The following CENPI variants were observed in gnomAD, a reference collection of about 807,000 sequenced individuals.
The protein encoded by CENPI is centromere protein I.
A neutral mutation model predicts 60.4 loss-of-function variants in CENPI; 4 were observed. The observed-to-expected ratio is 0.07, with a 90% CI of 0.03 to 0.15. CENPI has a LOEUF of 0.15. Among genes scored for constraint, CENPI ranks in the 10% least tolerant of loss-of-function variants. The probability of loss-of-function intolerance (pLI) is 1.00; values close to 1 mark genes in which losing one functional copy is unlikely to be tolerated. For synonymous variants in CENPI, 157 were observed against 189.4 expected (o/e 0.83, Z 1.40); for missense variants, 444 against 534.5 (o/e 0.83, Z 1.67).
intron 20 of CENPI, among the ~76,000 whole-genome samples, chrX:101,152,118 G>A (rs757063173): frequency 1.8e-5 from 2 of 110,157 alleles, no homozygotes; most frequent in South Asian, 7.9e-4. Flanking sequence ...AGGCTGGAGT[G>A]CAATGGCGCG....
At position 101,146,281 on chromosome X, in the gene CENPI, C is replaced by T. The variant is rs1490847414; in HGVS notation, c.1826+4C>T. 4 of 1,194,655 alleles carry T rather than the reference C, an allele frequency of 3.3e-6. No individual in the cohort carries two copies. The Admixed American group carries it at 9.1e-5, about 27-fold the overall frequency. Reference sequence around the variant, plus strand: ...AGCTGTGTTTTATTATGCACAGGTACAAAGCCTTTTTACCATTTTATGAAA... The same window carrying T: ...AGCTGTGTTTTATTATGCACAGGTATAAAGCCTTTTTACCATTTTATGAAA... On this transcript the variant is annotated splice_donor_region_variant and intron_variant, in intron 18 of 21. Transcript: ENST00000682095.
intron 8 of CENPI, among the ~76,000 whole-genome samples, chrX:101,124,312 G>C (rs2089712011): frequency 9.0e-6 from 1 of 110,798 alleles, no homozygotes; most frequent in African/African-American, 3.3e-5. Context: ...AAAGTCTGAA[G>C]GCAGTCTGTT....
intron 20 of CENPI, among the ~76,000 whole-genome samples, chrX:101,149,779 T>C (rs1034609894): frequency 9.0e-6 from 1 of 111,063 alleles, no homozygotes; most frequent in Non-Finnish European, 1.9e-5. Context: ...AGTGCTGAGA[T>C]TATAGGCATG....
chrX:101,131,501 A>G (rs1477404739), intron 13 of CENPI, among the ~76,000 whole-genome samples: 1 of 111,958 alleles, frequency 8.9e-6, no homozygotes, highest in African/African-American at 3.2e-5. Flanking sequence ...CTAATGGGAC[A>G]TCAAAGCGGT....
chrX:101,116,594 G>A (rs1358197282), intron 6 of CENPI, among the ~76,000 whole-genome samples: 6 of 111,807 alleles, frequency 5.4e-5, no homozygotes, highest in Non-Finnish European at 1.1e-4. Flanking sequence ...TTGGACATTT[G>A]AGTTGTTCTC....
downstream of CENPI, among the ~76,000 whole-genome samples, chrX:101,167,226 A>G (rs1442616354): frequency 8.9e-6 from 1 of 112,237 alleles, no homozygotes; most frequent in East Asian, 2.8e-4. Flanking sequence ...GGGAATCTTC[A>G]TGGGTGAACA....
chrX:101,104,490 A>T (rs761892267), intron 4 of CENPI, among the ~76,000 whole-genome samples: 3 of 111,754 alleles, frequency 2.7e-5, no homozygotes, highest in Non-Finnish European at 5.6e-5. Context: ...GAGTAGTTAA[A>T]GAGACTTGCT....
intron 6 of CENPI, among the ~76,000 whole-genome samples, chrX:101,117,704 A>G (rs1418521946): frequency 1.8e-5 from 2 of 111,880 alleles, no homozygotes; most frequent in Admixed American, 9.5e-5. Context: ...CATAATCTAC[A>G]CATTGGGTGG....
chrX:101,148,089 T>C lies in CENPI; in HGVS notation c.2022T>C (p.Ala674=). Residue 674 remains alanine (A), a synonymous_variant, in exon 20 of 22, where the codon GCT becomes GCC. Transcript: ENST00000682095. The stretch of plus-strand genomic sequence containing the variant: ...AAATCCTAGAAAAAACTGGAGTGGC[T>C]GAATATAAAAACAGTTTAAATGTAG... ...DPEILEKTGV[A]EYKNSLNVVH... is the part of the protein sequence containing the mutation. 8.5e-7 allele frequency: 1 copy of C among 1,182,698 alleles called. No individual in the cohort carries two copies. The highest frequency in any genetic ancestry group is 1.1e-6 in the Non-Finnish European group (1 of 885,521).
intron 6 of CENPI, among the ~76,000 whole-genome samples, chrX:101,118,900 GC>G (rs1195032659): frequency 1.8e-5 from 2 of 111,841 alleles, no homozygotes; most frequent in Middle Eastern, 4.7e-3. Flanking sequence ...AAAGATTCCG[GC>G]CAGGTGTGGT....
In CENPI at chrX:101,113,330, A is replaced by AT. The variant is rs1270271472; in HGVS notation, c.591+3346dup. ...ACACACACACACACACACAGAGTAGATTTTTTTTTTTTTTGAGATGGAGTT... is the reference window on the plus strand; with the variant it reads ...ACACACACACACACACACAGAGTAGATTTTTTTTTTTTTTTGAGATGGAGTT... On this transcript the variant is annotated intron_variant, in intron 6 of 21. Coordinates refer to ENST00000682095, the MANE Select transcript of CENPI (RefSeq NM_001386188.2). 8.7e-4 allele frequency among the ~76,000 whole-genome samples: 78 copies of AT among 89,715 alleles called. 1 individual carries two copies. Among genetic ancestry groups the AT allele is most frequent in the African/African-American group, 1.9e-3 (46 of 24,636 alleles). 77.9% of individuals were successfully genotyped at this position (89,715 alleles called of 115,157 possible).
chrX:101,149,223 A>G (rs1417418520), intron 20 of CENPI, among the ~76,000 whole-genome samples: 1 of 111,750 alleles, frequency 8.9e-6, no homozygotes, highest in Non-Finnish European at 1.9e-5. Context: ...CAGATTGTAA[A>G]TATTTTAGAT....
the CENPI span, among the ~76,000 whole-genome samples, chrX:101,178,407 T>C: frequency 7.9e-5 from 6 of 75,664 alleles, no homozygotes; most frequent in African/African-American, 2.5e-4. Context: ...TCTTTTTTTT[T>C]TTTTTTTTTT....
rs762834514 is a variant in CENPI, at chrX:101,114,014, C to T, written c.591+4016C>T. 8.1e-5 allele frequency among the ~76,000 whole-genome samples: 9 copies of T among 111,728 alleles called. No individual in the cohort carries two copies. In the East Asian group the frequency reaches 8.5e-4, roughly 11 times the overall value. On this transcript the variant is annotated intron_variant, in intron 6 of 21. Transcript: ENST00000682095. Reference sequence around the variant, plus strand: ...GCTCACCTCTGTAATCCCAGCACTTCGGGAGGCCGAGGGGGGCAGATCACC... The same window carrying T: ...GCTCACCTCTGTAATCCCAGCACTTTGGGAGGCCGAGGGGGGCAGATCACC...
chrX:101,125,621 C>T (rs943076751), intron 8 of CENPI, among the ~76,000 whole-genome samples: 1 of 111,197 alleles, frequency 9.0e-6, no homozygotes, highest in African/African-American at 3.3e-5. Flanking sequence ...TGGTCTCAAA[C>T]TTCTGACCTC....
chrX:101,155,220 G>T (rs184562014), intron 20 of CENPI, among the ~76,000 whole-genome samples: 1 of 111,081 alleles, frequency 9.0e-6, no homozygotes, highest in African/African-American at 3.3e-5. Flanking sequence ...ATGGAATCTT[G>T]CTCTTCTTGC....
chrX:101,153,503 T>G (rs1368434945), intron 20 of CENPI, among the ~76,000 whole-genome samples: 3 of 110,661 alleles, frequency 2.7e-5, no homozygotes, highest in Non-Finnish European at 5.7e-5. Context: ...CCCAGGCTGG[T>G]CTGGAGCTCC....
At chrX:101,148,935 C>CT (rs1049533940) in intron 20 of CENPI, among the ~76,000 whole-genome samples, 1 of 111,798 alleles carries the variant, frequency 8.9e-6, no homozygotes, top group African/African-American at 3.2e-5. Flanking sequence ...ATAAGACACT[C>CT]TGAGTGTTGT....
rs1015147318 is a variant in CENPI, at chrX:101,147,805, A to G, written c.1869A>G (p.Val623=). Residue 623 remains valine (V), a synonymous_variant, in exon 19 of 22, where the codon GTA becomes GTG. Coordinates refer to ENST00000682095, the MANE Select transcript of CENPI (RefSeq NM_001386188.2). ...NLTAAKKNEL[V]QKTKSEFNFS... is the part of the protein sequence containing the mutation. Reference sequence around the variant, plus strand: ...CTGCCGCAAAGAAAAATGAGTTGGTACAAAAGGTATGAATGAGAAAGCTCT... The same window carrying G: ...CTGCCGCAAAGAAAAATGAGTTGGTGCAAAAGGTATGAATGAGAAAGCTCT... 4 of 1,206,147 alleles carry G rather than the reference A, an allele frequency of 3.3e-6. No homozygotes were observed. Among genetic ancestry groups the G allele is most frequent in the African/African-American group, 1.7e-5 (1 of 57,797 alleles).
Sources: gnomAD v4.1 joint callset for allele counts (sites outside exome capture counted in the v4.1 genomes callset) on GRCh38, gnomAD v4.1.1 for gene constraint, MANE v1.5 for transcripts, NCBI Gene and HGNC (gene_info 2026-07-23, HGNC 2026-07-21) for gene names.